The following STK10 variants were observed in gnomAD, a reference collection of about 807,000 sequenced individuals.
STK10 encodes the protein serine/threonine-protein kinase 10.
In STK10, 78 loss-of-function variants were observed where a neutral mutation model predicts 113.8. That is an observed-to-expected ratio of 0.69 (90% CI 0.57 to 0.83). STK10 has a LOEUF of 0.83. STK10 is among the 40% of genes least tolerant of loss of function. The pLI is 0.00. For missense variants in STK10, 1,109 were observed against 1,280.1 expected (o/e 0.87, Z 2.04); for synonymous variants, 465 against 494.7 (o/e 0.94, Z 0.80).
At chr5:172,164,770 G>C (rs1321483171) in intron 1 of STK10, among the ~76,000 whole-genome samples, 2 of 152,188 alleles carry the variant, frequency 1.3e-5, no homozygotes, top group Admixed American at 6.5e-5. Context: ...GCCCACGTGG[G>C]AGTTGGCAGG....
intron 1 of STK10, among the ~76,000 whole-genome samples, chr5:172,182,734 C>T (rs9313583): frequency 2.0e-5 from 3 of 151,348 alleles, no homozygotes; most frequent in South Asian, 2.1e-4. Flanking sequence ...TTGTATTTTC[C>T]GTAGAGACGG....
At chr5:172,179,655 T>C (rs1464406341) in intron 1 of STK10, among the ~76,000 whole-genome samples, 1 of 152,182 alleles carries the variant, frequency 6.6e-6, no homozygotes, top group East Asian at 1.9e-4. Flanking sequence ...TCAGACCCCC[T>C]TGGATGAGGG....
At chr5:172,140,792 G>A (rs1215438487) in intron 2 of STK10, among the ~76,000 whole-genome samples, 1 of 152,084 alleles carries the variant, frequency 6.6e-6, no homozygotes, top group Non-Finnish European at 1.5e-5. Flanking sequence ...TTAAAAGCAG[G>A]ATCCTGAAGA....
At chr5:172,067,260 A>C (rs1394804660) in intron 12 of STK10, among the ~76,000 whole-genome samples, 1 of 152,086 alleles carries the variant, frequency 6.6e-6, no homozygotes, top group African/African-American at 2.4e-5. Flanking sequence ...AGGAGGCTGA[A>C]GTGGGAGGAT....
In STK10 at chr5:172,158,836, C is replaced by G. The variant is rs1313303729; in HGVS notation, c.157-2048G>C. Among the ~76,000 whole-genome samples the G allele has an allele frequency of 2.6e-5, 4 of 152,014 alleles. No homozygotes were observed. In the East Asian group the frequency reaches 7.7e-4, roughly 29 times the overall value. The stretch of plus-strand genomic sequence containing the variant: ...CACTTACCTGAAGTACCCAGAGTAG[C>G]TGAAATCATAGAAGTGGAAAGTAGA... On this transcript the variant is annotated intron_variant, in intron 1 of 18. Transcript: ENST00000176763.
chr5:172,128,697 G>A (rs895335799), intron 2 of STK10, among the ~76,000 whole-genome samples: 3 of 152,230 alleles, frequency 2.0e-5, no homozygotes, highest in Admixed American at 2.0e-4. Flanking sequence ...CTTCAGGACA[G>A]GCAGAATCAC....
intron 4 of STK10, 34 bp from the exon 5 acceptor site, chr5:172,107,886 C>T: frequency 6.2e-7 from 1 of 1,607,882 alleles, no homozygotes; most frequent in Non-Finnish European, 8.5e-7. Context: ...CGTTTTCCAC[C>T]CATAGCCCTG....
chr5:172,106,673 GACC>G lies in STK10; in HGVS notation c.732_734del (p.Val245del). ...GGTCCGACTTGGCGATCTTTAGCAG[GACC>G]CGCATGGGGTTGAGCTCGTGGTGTG... On this transcript the variant is annotated inframe_deletion, in exon 6 of 19. Transcript: ENST00000176763. 6.2e-7 allele frequency: 1 copy of G among 1,613,840 alleles called. No homozygotes were observed. The highest frequency in any genetic ancestry group is 8.5e-7 in the Non-Finnish European group (1 of 1,180,034).
At chr5:172,129,997 T>G (rs57100573) in intron 2 of STK10, among the ~76,000 whole-genome samples, 358 of 152,348 alleles carry the variant, frequency 2.3e-3, no homozygotes, top group African/African-American at 8.2e-3. Flanking sequence ...TTGGGTTTTT[T>G]GAGGCTCTGT....
intron 7 of STK10, among the ~76,000 whole-genome samples, chr5:172,103,424 T>G (rs1769037349): frequency 6.6e-6 from 1 of 152,214 alleles, no homozygotes; most frequent in Admixed American, 6.5e-5. Context: ...CGGAAATTCC[T>G]GGCTGAGGCT....
chr5:172,179,196 C>T (rs978125200), intron 1 of STK10, among the ~76,000 whole-genome samples: 4 of 152,182 alleles, frequency 2.6e-5, no homozygotes, highest in African/African-American at 7.2e-5. Flanking sequence ...AACACATCAC[C>T]TCCTCAACTC....
intron 2 of STK10, among the ~76,000 whole-genome samples, chr5:172,142,220 G>T (rs1487881552): frequency 6.6e-6 from 1 of 152,052 alleles, no homozygotes; most frequent in African/African-American, 2.4e-5. Flanking sequence ...AGTTGCCGTG[G>T]GACTGATTAC....
chr5:172,141,445 G>C (rs1209383887), intron 2 of STK10, among the ~76,000 whole-genome samples: 1 of 152,056 alleles, frequency 6.6e-6, no homozygotes, highest in Non-Finnish European at 1.5e-5. Context: ...GCCAGGCATA[G>C]TGGTGCGTGC....
chr5:172,101,967 G>GT (rs142538271), intron 7 of STK10, among the ~76,000 whole-genome samples: 3,208 of 150,930 alleles, frequency 0.021, 108 homozygotes, highest in African/African-American at 0.075. Flanking sequence ...GGTCAGCAGG[G>GT]TGGGGGGGGC....
intron 2 of STK10, among the ~76,000 whole-genome samples, chr5:172,131,037 T>TG (rs1314101530): frequency 3.1e-4 from 45 of 146,850 alleles, no homozygotes; most frequent in African/African-American, 9.9e-4. Context: ...CAGCTGTTTT[T>TG]TTTTTTTTTT....
chr5:172,165,323 C>A (rs984301074), intron 1 of STK10, among the ~76,000 whole-genome samples: 1 of 152,194 alleles, frequency 6.6e-6, no homozygotes, highest in Non-Finnish European at 1.5e-5. Flanking sequence ...CTGAGTCCAC[C>A]AAGGCGAATG....
chr5:172,092,285 CACA>C (rs1210953151), intron 9 of STK10: 3 of 152,828 alleles, frequency 2.0e-5, no homozygotes, highest in African/African-American at 7.2e-5. Flanking sequence ...GGGGTGCCGG[CACA>C]GCGGGGGACT....
Position 172,090,278 on chromosome 5 carries a change from T to C in STK10, c.1639A>G (p.Ile547Val). 1.2e-6 allele frequency: 2 copies of C among 1,614,122 alleles called. No homozygotes were observed. Among genetic ancestry groups the C allele is most frequent in the Non-Finnish European group, 1.7e-6 (2 of 1,180,014 alleles). ...GVEVSITTSK[I>V]ISEDEKKDEE... ...TCCTTCTTCTCATCTTCGCTGATGA[T>C]CTTGGAGGTGGTGATGCTCACCTCC... Residue 547 changes from isoleucine to valine, a missense_variant, in exon 10 of 19, where the codon ATC (isoleucine) becomes GTC (valine). Physicochemically the swap from Ile to Val is conservative, Grantham distance 29. Coordinates refer to ENST00000176763, the MANE Select transcript of STK10 (RefSeq NM_005990.4).
chr5:172,080,475 C>G (rs996407484), intron 12 of STK10, among the ~76,000 whole-genome samples: 1 of 152,180 alleles, frequency 6.6e-6, no homozygotes, highest in Non-Finnish European at 1.5e-5. Flanking sequence ...GACGGTTAGC[C>G]AAGTTGTGAA....
Sources: gnomAD v4.1 joint callset for allele counts (sites outside exome capture counted in the v4.1 genomes callset) on GRCh38, gnomAD v4.1.1 for gene constraint, MANE v1.5 for transcripts, NCBI Gene and HGNC (gene_info 2026-07-23, HGNC 2026-07-21) for gene names.